MAGEC3: variants seen among roughly 807,000 people sequenced by gnomAD.
MAGEC3 encodes MAGE family member C3.
In MAGEC3, 34 loss-of-function variants were observed where a neutral mutation model predicts 35.3. The observed-to-expected ratio is 0.96, with a 90% CI of 0.73 to 1.28. MAGEC3 has a LOEUF of 1.28. Ranked by LOEUF, MAGEC3 falls within the 50% of genes most tolerant of loss-of-function variation. The probability of loss-of-function intolerance (pLI) is 0.00; values close to 1 mark genes in which losing one functional copy is unlikely to be tolerated. For missense variants in MAGEC3, 561 were observed against 483.6 expected (o/e 1.16, Z -1.50); for synonymous variants, 202 against 185.6 (o/e 1.09, Z -0.72).
At chrX:141,858,875 T>G (rs1249881792) in intron 1 of MAGEC3, among the ~76,000 whole-genome samples, 1 of 110,280 alleles carries the variant, frequency 9.1e-6, no homozygotes, top group Non-Finnish European at 1.9e-5. Flanking sequence ...TTTTGGGGGG[T>G]TTATTTTTAA....
rs980861039 is a variant in MAGEC3 at position 141,897,710 on chromosome X, T to C, written c.1810T>C (p.Tyr604His). 3 of 1,209,955 alleles carry C rather than the reference T, an allele frequency of 2.5e-6. No individual in the cohort carries two copies. The highest frequency in any genetic ancestry group is 2.3e-4 in the Middle Eastern group (1 of 4,373). The stretch of plus-strand genomic sequence containing the variant: ...CATCCCTAGTGCCTTTCCATCCTGG[T>C]ACATGGATGCTTTGAAAGATATGGA... ...SIIPSAFPSW[Y>H]MDALKDMEDR... is the part of the protein sequence containing the mutation. The change falls in exon 8 of 8, where the codon TAC becomes CAC. Residue 604 changes from tyrosine (Y) to histidine (H), a missense_variant. Transcript: ENST00000298296.
chrX:141,871,025 A>C (rs1483176534), intron 2 of MAGEC3, among the ~76,000 whole-genome samples: 1 of 112,677 alleles, frequency 8.9e-6, no homozygotes, highest in Non-Finnish European at 1.9e-5. Flanking sequence ...GGTGAACTAA[A>C]AGGTACCACA....
rs753027167 is a variant in MAGEC3, at chrX:141,895,328, T to C, written c.969T>C (p.Ser323=). ...TTTCCCGACTTGCACTGTGGGAGTCTGAAGGACCTGAAGCATTTTGCGAGG... is the reference window on the plus strand; with the variant it reads ...TTTCCCGACTTGCACTGTGGGAGTCCGAAGGACCTGAAGCATTTTGCGAGG... ...DVLSRLALWE[S]EGPEAFCEES... Residue 323 remains serine, a synonymous_variant, in exon 5 of 8, where the codon TCT becomes TCC. Coordinates refer to ENST00000298296, the MANE Select transcript of MAGEC3 (RefSeq NM_138702.1). The C allele has an allele frequency of 2.5e-6, 3 of 1,210,589 alleles. No homozygotes were observed. Among genetic ancestry groups the C allele is most frequent in the Non-Finnish European group, 3.4e-6 (3 of 895,106 alleles).
chrX:141,853,892 C>A (rs773939621), intron 1 of MAGEC3, among the ~76,000 whole-genome samples: 5 of 111,072 alleles, frequency 4.5e-5, no homozygotes, highest in African/African-American at 6.5e-5. Flanking sequence ...CAAGGCTAGT[C>A]CATGTTTGAA....
At position 141,897,487 on chromosome X, in the gene MAGEC3, G is replaced by A. The variant is rs763585428; in HGVS notation, c.1728+1G>A. On this transcript the variant is annotated splice_donor_variant, in intron 7 of 7. Transcript: ENST00000298296. LOFTEE classifies it high-confidence loss of function. Reference sequence around the variant, plus strand: ...CTGGGAAGTGTTGAGTGCAATAGGGGTGTGTGCTGGGAGGGAGCACTTTAT... The same window carrying A: ...CTGGGAAGTGTTGAGTGCAATAGGGATGTGTGCTGGGAGGGAGCACTTTAT... 4 of 1,204,312 alleles carry A rather than the reference G, an allele frequency of 3.3e-6. No individual in the cohort carries two copies. Among genetic ancestry groups the A allele is most frequent in the African/African-American group, 1.7e-5 (1 of 57,633 alleles).
chrX:141,867,696 T>G (rs1386572251), intron 2 of MAGEC3, among the ~76,000 whole-genome samples: 2 of 112,438 alleles, frequency 1.8e-5, no homozygotes, highest in African/African-American at 3.2e-5. Context: ...ACTGAGATTT[T>G]CTGTCTGATA....
chrX:141,878,910 C>A (rs1025764288), intron 2 of MAGEC3, among the ~76,000 whole-genome samples: 2 of 111,789 alleles, frequency 1.8e-5, no homozygotes, highest in African/African-American at 3.3e-5. Context: ...GAGAGTCCTG[C>A]CCACCCCATT....
intron 2 of MAGEC3, among the ~76,000 whole-genome samples, chrX:141,874,815 T>C (rs1218706409): frequency 6.0e-5 from 1 of 16,728 alleles, no homozygotes; most frequent in Non-Finnish European, 1.3e-4. Context: ...AATCTGGAAA[T>C]GGTAAAAAAA....
chrX:141,850,586 G>A (rs752518166), intron 1 of MAGEC3, among the ~76,000 whole-genome samples: 3 of 110,826 alleles, frequency 2.7e-5, no homozygotes, highest in South Asian at 7.6e-4. Context: ...ATTATGGAGG[G>A]TAATCTGTTT....
At chrX:141,855,939 T>C (rs2017777876) in intron 1 of MAGEC3, among the ~76,000 whole-genome samples, 1 of 111,437 alleles carries the variant, frequency 9.0e-6, no homozygotes, top group African/African-American at 3.3e-5. Context: ...GACTAGAACA[T>C]CAATGGATGG....
chrX:141,851,134 G>A (rs1040950168), intron 1 of MAGEC3, among the ~76,000 whole-genome samples: 2 of 110,710 alleles, frequency 1.8e-5, no homozygotes, highest in Non-Finnish European at 3.8e-5. Context: ...CAATCCATGT[G>A]ATTCTTCAGT....
intron 6 of MAGEC3, 46 bp from the exon 7 acceptor site, chrX:141,896,836 C>T: frequency 8.3e-7 from 1 of 1,202,732 alleles, no homozygotes; most frequent in Non-Finnish European, 1.1e-6. Flanking sequence ...CTCATCCTCA[C>T]CCTTGTCCTC....
intron 6 of MAGEC3, chrX:141,896,405 A>G (rs2018095045): frequency 1.8e-6 from 2 of 1,104,303 alleles, no homozygotes; most frequent in African/African-American, 1.8e-5. Context: ...CTGTGCCCCG[A>G]GGTGCTTTCT....
chrX:141,850,419 C>T (rs918471758), intron 1 of MAGEC3, among the ~76,000 whole-genome samples: 1 of 111,259 alleles, frequency 9.0e-6, no homozygotes, highest in Non-Finnish European at 1.9e-5. Flanking sequence ...TGGAGGTGTA[C>T]GTTCAAAATC....
intron 1 of MAGEC3, among the ~76,000 whole-genome samples, chrX:141,850,371 TA>T (rs1379497141): frequency 9.0e-6 from 1 of 110,911 alleles, no homozygotes; most frequent in East Asian, 2.9e-4. Flanking sequence ...ATATGTAGAA[TA>T]AAAGCTGAAA....
At chrX:141,865,673 C>T (rs769455450) in intron 2 of MAGEC3, 68 bp downstream of exon 2, 2 of 1,096,694 alleles carry the variant, frequency 1.8e-6, no homozygotes, top group African/African-American at 1.9e-5. Flanking sequence ...GCCCTGCCCT[C>T]CCTGTGCTGT....
intron 4 of MAGEC3, among the ~76,000 whole-genome samples, chrX:141,883,938 T>A (rs948003597): frequency 1.8e-5 from 2 of 113,381 alleles, no homozygotes; most frequent in Admixed American, 1.8e-4. Context: ...AGGAAAATCT[T>A]GGTTTGCAGT....
intron 1 of MAGEC3, among the ~76,000 whole-genome samples, chrX:141,850,243 G>A (rs2017742579): frequency 9.1e-6 from 1 of 110,395 alleles, no homozygotes; most frequent in African/African-American, 3.3e-5. Flanking sequence ...GAGGAAGGGA[G>A]GCATGGGTAG....
intron 3 of MAGEC3, 133 bp from the exon 4 acceptor site, chrX:141,881,270 C>A: frequency 1.4e-6 from 1 of 729,326 alleles, no homozygotes; most frequent in Non-Finnish European, 2.0e-6. Context: ...CTGCCTCTTC[C>A]CCAGAATCCT....
Sources: allele counts gnomAD v4.1 joint callset (sites outside exome capture counted in the v4.1 genomes callset), GRCh38; gene constraint gnomAD v4.1.1; transcripts MANE v1.5; gene names NCBI Gene and HGNC (gene_info 2026-07-23, HGNC 2026-07-21).